The following NLGN4X variants were observed in gnomAD, a reference collection of about 807,000 sequenced individuals.
NLGN4X encodes neuroligin 4 X-linked.
A neutral mutation model predicts 40.3 loss-of-function variants in NLGN4X; 3 were observed. The ratio of observed to expected loss-of-function variants is 0.07; its 90% CI spans 0.03 to 0.19. NLGN4X has a LOEUF of 0.19. NLGN4X is among the 10% of genes least tolerant of loss of function. The probability of loss-of-function intolerance (pLI) is 1.00; values close to 1 mark genes in which losing one functional copy is unlikely to be tolerated. For missense variants in NLGN4X, 382 were observed against 708.3 expected, an observed-to-expected ratio of 0.54 and a Z score of 5.23; for synonymous variants, 270 against 306.8, an observed-to-expected ratio of 0.88 and a Z score of 1.25.
At chrX:6,107,376 G>C (rs1416216079) in intron 2 of NLGN4X, among the ~76,000 whole-genome samples, 1 of 111,131 alleles carries the variant, frequency 9.0e-6, no homozygotes, top group African/African-American at 3.3e-5. Flanking sequence ...GCAGCCTGGA[G>C]AGGTTACCCC....
intron 1 of NLGN4X, among the ~76,000 whole-genome samples, chrX:6,225,410 CT>C (rs1926119945): frequency 9.1e-6 from 1 of 109,480 alleles, no homozygotes; most frequent in African/African-American, 3.3e-5. Flanking sequence ...TCTTTGCTAT[CT>C]GATTTCACCC....
chrX:5,939,968 A>G (rs1053968339), intron 3 of NLGN4X, among the ~76,000 whole-genome samples: 1 of 111,277 alleles, frequency 9.0e-6, no homozygotes, highest in African/African-American at 3.3e-5. Context: ...TACTGATGAG[A>G]GCCCAGACTC....
chrX:6,196,205 T>C (rs1569293502), intron 1 of NLGN4X, among the ~76,000 whole-genome samples: 1 of 111,279 alleles, frequency 9.0e-6, no homozygotes, highest in East Asian at 2.8e-4. Context: ...ATTGTATCTG[T>C]GTGTGCTTCC....
At chrX:5,967,383 T>C (rs1327780767) in intron 3 of NLGN4X, among the ~76,000 whole-genome samples, 1 of 112,008 alleles carries the variant, frequency 8.9e-6, no homozygotes, top group Non-Finnish European at 1.9e-5. Context: ...ATGCTTTGGA[T>C]AGGAGCCCTA....
chrX:6,155,122 G>T (rs1036008031), intron 1 of NLGN4X, among the ~76,000 whole-genome samples: 1 of 111,003 alleles, frequency 9.0e-6, no homozygotes, highest in Non-Finnish European at 1.9e-5. Flanking sequence ...TTAGAAAACA[G>T]GAAGCTTTGT....
intron 3 of NLGN4X, among the ~76,000 whole-genome samples, chrX:5,997,452 AC>A (rs947959619): frequency 8.4e-5 from 9 of 106,695 alleles, no homozygotes; most frequent in Non-Finnish European, 1.7e-4. Flanking sequence ...TAAAAAAAAA[AC>A]AATAGGTAGT....
chrX:6,066,714 G>A (rs1191067217), intron 2 of NLGN4X, among the ~76,000 whole-genome samples: 1 of 112,110 alleles, frequency 8.9e-6, no homozygotes, highest in Non-Finnish European at 1.9e-5. Context: ...GAACGCAGCA[G>A]GCAGAGGTTG....
At chrX:6,145,272 A>G (rs1402939270) in intron 2 of NLGN4X, among the ~76,000 whole-genome samples, 2 of 111,772 alleles carry the variant, frequency 1.8e-5, no homozygotes, top group Admixed American at 1.9e-4. Context: ...TGGTACTGAG[A>G]AAAACAAAAT....
At chrX:6,170,933 C>T (rs2040593154) in intron 1 of NLGN4X, among the ~76,000 whole-genome samples, 1 of 111,354 alleles carries the variant, frequency 9.0e-6, no homozygotes, top group Non-Finnish European at 1.9e-5. Flanking sequence ...CAGCAATCTT[C>T]CCACCTCAGC....
intron 2 of NLGN4X, among the ~76,000 whole-genome samples, chrX:6,057,988 G>C (rs1220543725): frequency 9.0e-6 from 1 of 111,172 alleles, no homozygotes; most frequent in East Asian, 2.8e-4. Context: ...TCATACATGG[G>C]GTAATGAACA....
chrX:6,068,369 G>A (rs369737069), intron 2 of NLGN4X, among the ~76,000 whole-genome samples: 52 of 110,808 alleles, frequency 4.7e-4, no homozygotes, highest in African/African-American at 1.7e-3. Context: ...GCAGGCAGGG[G>A]GCAAGAGAGG....
At chrX:5,918,851 G>A (rs1232047952) in intron 3 of NLGN4X, among the ~76,000 whole-genome samples, 1 of 112,008 alleles carries the variant, frequency 8.9e-6, no homozygotes, top group Non-Finnish European at 1.9e-5. Context: ...GACTGCATCA[G>A]AGAAATTAGT....
At chrX:5,967,469 T>C (rs975979956) in intron 3 of NLGN4X, among the ~76,000 whole-genome samples, 2 of 111,004 alleles carry the variant, frequency 1.8e-5, no homozygotes, top group African/African-American at 6.6e-5. Context: ...GCTGGTTCTG[T>C]AGCAGCACAT....
intron 4 of NLGN4X, among the ~76,000 whole-genome samples, chrX:5,907,295 T>G (rs1695750569): frequency 9.0e-6 from 1 of 111,636 alleles, no homozygotes; most frequent in South Asian, 3.8e-4. Flanking sequence ...AGCCAGGAAT[T>G]TGTGATCCTG....
At chrX:6,175,800 C>T (rs1301417855) in intron 1 of NLGN4X, among the ~76,000 whole-genome samples, 1 of 110,481 alleles carries the variant, frequency 9.1e-6, no homozygotes, top group Non-Finnish European at 1.9e-5. Flanking sequence ...TTCCTCACCT[C>T]CCCCTCCCAT....
At chrX:5,968,142 T>A (rs2034887974) in intron 3 of NLGN4X, among the ~76,000 whole-genome samples, 1 of 110,222 alleles carries the variant, frequency 9.1e-6, no homozygotes, top group Non-Finnish European at 1.9e-5. Flanking sequence ...AAATACTTCA[T>A]ACTGAAAGGA....
At chrX:6,122,565 C>T (rs2039448977) in intron 2 of NLGN4X, among the ~76,000 whole-genome samples, 1 of 110,270 alleles carries the variant, frequency 9.1e-6, no homozygotes, top group Non-Finnish European at 1.9e-5. Context: ...CCATTGGACA[C>T]TTGGTACCTT....
intron 1 of NLGN4X, among the ~76,000 whole-genome samples, chrX:6,157,360 G>A (rs745398779): frequency 1.1e-4 from 12 of 111,775 alleles, no homozygotes; most frequent in Non-Finnish European, 1.1e-4. Context: ...CAGCCAAGAC[G>A]AATTGGATAA....
At chrX:6,217,827 T>C (rs1489105881) in intron 1 of NLGN4X, among the ~76,000 whole-genome samples, 1 of 111,698 alleles carries the variant, frequency 9.0e-6, no homozygotes, top group Non-Finnish European at 1.9e-5. Flanking sequence ...TGAGACAGCA[T>C]GAGGGGCCTT....
Sources: gnomAD v4.1 joint callset for allele counts (sites outside exome capture counted in the v4.1 genomes callset) on GRCh38, gnomAD v4.1.1 for gene constraint, MANE v1.5 for transcripts, NCBI Gene and HGNC (gene_info 2026-07-23, HGNC 2026-07-21) for gene names.